The following ECI2 variants were observed in gnomAD, a reference collection of about 807,000 sequenced individuals.
ECI2 encodes enoyl-CoA delta isomerase 2, also known as D3,D2-enoyl-CoA isomerase.
ECI2 carries 27 observed loss-of-function variants against 38.4 expected under a neutral mutation model. The ratio of observed to expected loss-of-function variants is 0.70; its 90% CI spans 0.52 to 0.97. ECI2 has a LOEUF of 0.97. Among genes scored for constraint, ECI2 ranks in the 50% least tolerant of loss-of-function variants. The pLI is 0.00. For synonymous variants in ECI2, 168 were observed against 172.0 expected (o/e 0.98, Z 0.18); for missense variants, 470 against 474.4 (o/e 0.99, Z 0.09).
intron 7 of ECI2, chr6:4,122,022 A>G (rs1407088422): frequency 3.1e-6 from 5 of 1,601,958 alleles, no homozygotes; most frequent in Admixed American, 1.7e-5. Context: ...AAACCTGCCA[A>G]CAACAGCTAA....
chr6:4,116,054 G>A lies in ECI2; in HGVS notation c.1030-25C>T, dbSNP rs373591323. ...CCTGGAAAAACAAAACCAACAATAA[G>A]GTTAAGAGTTGACCTAGGCTGGACG... is the stretch of plus-strand genomic sequence containing the variant. On this transcript the variant is annotated intron_variant, in intron 9 of 9. Coordinates refer to ENST00000380118, the MANE Select transcript of ECI2 (RefSeq NM_206836.3). 648 of 1,604,840 alleles carry A rather than the reference G, an allele frequency of 4.0e-4. 2 individuals are homozygous for A. The highest frequency in any genetic ancestry group is 2.3e-3 in the Middle Eastern group (14 of 6,002).
chr6:4,129,302 T>C (rs1031789005), intron 4 of ECI2, among the ~76,000 whole-genome samples: 4 of 152,100 alleles, frequency 2.6e-5, no homozygotes, highest in African/African-American at 9.7e-5. Flanking sequence ...TTAGTAGAGA[T>C]GGAGTTTCAC....
intron 1 of ECI2, among the ~76,000 whole-genome samples, chr6:4,134,728 C>G (rs1159548073): frequency 6.6e-6 from 1 of 152,124 alleles, no homozygotes; most frequent in Non-Finnish European, 1.5e-5. Flanking sequence ...AAGGGAAAAA[C>G]TGCATCTTAT....
intron 7 of ECI2, among the ~76,000 whole-genome samples, chr6:4,124,066 G>A (rs912129677): frequency 1.3e-5 from 2 of 152,026 alleles, no homozygotes; most frequent in East Asian, 1.9e-4. Context: ...AAGTATTAAA[G>A]AATGAGATCC....
rs1315164939 is a variant in ECI2 at position 4,127,813 on chromosome 6, G to A, written c.520C>T (p.Arg174Cys). The A allele has an allele frequency of 9.9e-6, 16 of 1,612,584 alleles. No individual in the cohort carries two copies. The highest frequency in any genetic ancestry group is 1.3e-5 in the African/African-American group (1 of 74,854). Residue 174 changes from arginine to cysteine, a missense_variant, in exon 5 of 10, where the codon CGT (arginine) becomes TGT (cysteine). Coordinates refer to ENST00000380118, the MANE Select transcript of ECI2 (RefSeq NM_206836.3). ...INTEMYHEIM[R>C]ALKAASKDDS... ...TCCTTGCTGGCAGCTTTAAGTGCACGCATAATTTCATGATACATCTGTGTA... is the reference window on the plus strand; with the variant it reads ...TCCTTGCTGGCAGCTTTAAGTGCACACATAATTTCATGATACATCTGTGTA...
At chr6:4,135,242 G>T in intron 1 of ECI2, 2 of 1,014,542 alleles carry the variant, frequency 2.0e-6, no homozygotes, top group Non-Finnish European at 2.9e-6. Context: ...CGTGCGCGGA[G>T]GCAGGCGGAG....
At chr6:4,120,286 A>G (rs917768959) in intron 7 of ECI2, among the ~76,000 whole-genome samples, 2 of 152,236 alleles carry the variant, frequency 1.3e-5, no homozygotes, top group African/African-American at 4.8e-5. Context: ...GTATACTTAC[A>G]TATACTTGGA....
Position 4,130,880 on chromosome 6 carries a change from G to C in ECI2, c.214-15C>G, listed in dbSNP as rs1773474929. 6.2e-7 allele frequency: 1 copy of C among 1,611,362 alleles called. No individual in the cohort carries two copies. Among genetic ancestry groups the C allele is most frequent in the Non-Finnish European group, 8.5e-7 (1 of 1,178,452 alleles). On this transcript the variant is annotated splice_polypyrimidine_tract_variant and intron_variant, in intron 2 of 9. Transcript: ENST00000380118. ...CCTTCAGTGGCCTGTGAAAAGGAGA[G>C]GGGCAATATGTTCAAATGTCCATGT... is the stretch of plus-strand genomic sequence containing the variant.
intron 2 of ECI2, among the ~76,000 whole-genome samples, chr6:4,131,245 A>G (rs922362634): frequency 6.6e-6 from 1 of 152,092 alleles, no homozygotes; most frequent in African/African-American, 2.4e-5. Context: ...AACCCACAGC[A>G]TATTCCAAAA....
At chr6:4,129,990 C>G in intron 4 of ECI2, 1 of 829,442 alleles carries the variant, frequency 1.2e-6, no homozygotes, top group South Asian at 1.7e-5. Context: ...AAAAATGAAG[C>G]CCCCGTGCAA....
rs544393736 is a variant in ECI2, at chr6:4,127,774, T to G, written c.559A>C (p.Thr187Pro). 1.9e-6 allele frequency: 3 copies of G among 1,613,132 alleles called. No individual in the cohort carries two copies. Among genetic ancestry groups the G allele is most frequent in the Non-Finnish European group, 2.5e-6 (3 of 1,179,608 alleles). The change falls in exon 5 of 10, where the codon ACT becomes CCT. Residue 187 changes from threonine (T) to proline (P), a missense_variant. By Grantham distance (38) the Thr-to-Pro change is conservative. Transcript: ENST00000380118. ...GAAAATGTCTTACCTGTTAAAACAG[T>G]GATGATTGAGTCATCCTTGCTGGCA... ...KAASKDDSIITVLTGNGDYYS... is the reference protein window; with the variant it reads ...KAASKDDSIIPVLTGNGDYYS...
chr6:4,119,321 T>A (rs1221411900), intron 7 of ECI2, 46 bp from the exon 8 acceptor site: 2 of 281,046 alleles, frequency 7.1e-6, no homozygotes, highest in Non-Finnish European at 9.4e-6. Context: ...CATGTGTGAT[T>A]TTTTTTTTTT....
chr6:4,133,798 C>T, intron 1 of ECI2, 87 bp from the exon 2 acceptor site: 3 of 1,417,230 alleles, frequency 2.1e-6, no homozygotes. Context: ...CTATACATAA[C>T]AAAATGCCAT....
Position 4,130,498 on chromosome 6 carries a change from A to G in ECI2, c.375T>C (p.Ser125=). Residue 125 remains serine (S), a synonymous_variant, in exon 4 of 10, where the codon TCT becomes TCC. Coordinates refer to ENST00000380118, the MANE Select transcript of ECI2 (RefSeq NM_206836.3). ...VSSLSPSLES[S]SQVEPGTDRK... ...TGTCTGTTCCAGGCTCCACCTGACT[A>G]GAGGATTCCAATGAAGGACTCAAAC... 2 of 1,614,254 alleles carry G rather than the reference A, an allele frequency of 1.2e-6. No homozygotes were observed. The highest frequency in any genetic ancestry group is 1.6e-4 in the Middle Eastern group (1 of 6,062).
chr6:4,119,110 A>G, intron 8 of ECI2, 76 bp downstream of exon 8: 1 of 1,179,090 alleles, frequency 8.5e-7, no homozygotes, highest in Non-Finnish European at 1.2e-6. Flanking sequence ...GAAAGAAGGG[A>G]GAGTATATGA....
chr6:4,133,874 G>A (rs1773607963), intron 1 of ECI2, 163 bp from the exon 2 acceptor site: 2 of 742,968 alleles, frequency 2.7e-6, no homozygotes, highest in Non-Finnish European at 4.0e-6. Flanking sequence ...TGGCTGTAAG[G>A]ATTCCAAGAT....
chr6:4,122,295 G>A (rs1374297195), intron 7 of ECI2, among the ~76,000 whole-genome samples: 2 of 149,822 alleles, frequency 1.3e-5, no homozygotes, highest in Non-Finnish European at 3.0e-5. Flanking sequence ...ATCTCAACTC[G>A]CTGCAACCTC....
Position 4,127,761 on chromosome 6 carries a change from C to T in ECI2, c.571+1G>A. On this transcript the variant is annotated splice_donor_variant, in intron 5 of 9. Transcript: ENST00000380118. LOFTEE classifies it high-confidence loss of function. ...TTAGGATGCCTGAGAAAATGTCTTA[C>T]CTGTTAAAACAGTGATGATTGAGTC... The T allele has an allele frequency of 1.2e-6, 2 of 1,610,852 alleles. No individual in the cohort carries two copies. The highest frequency in any genetic ancestry group is 1.7e-6 in the Non-Finnish European group (2 of 1,178,692).
intron 2 of ECI2, among the ~76,000 whole-genome samples, chr6:4,131,869 T>G (rs944370049): frequency 1.4e-4 from 19 of 138,178 alleles, no homozygotes; most frequent in African/African-American, 2.5e-4. Context: ...AAAAACAAAA[T>G]AAAAACAAAA....
Sources: gnomAD v4.1 joint callset for allele counts (sites outside exome capture counted in the v4.1 genomes callset) on GRCh38, gnomAD v4.1.1 for gene constraint, MANE v1.5 for transcripts, NCBI Gene and HGNC (gene_info 2026-07-23, HGNC 2026-07-21) for gene names.